Variants in CDH4 observed in about 807,000 individuals in gnomAD.
CDH4 encodes the protein cadherin-4.
CDH4 carries 33 observed loss-of-function variants against 86.0 expected under a neutral mutation model. The observed-to-expected ratio is 0.38, with a 90% CI of 0.29 to 0.51. The LOEUF is 0.51. Ranked by LOEUF, CDH4 falls within the 20% of genes least tolerant of loss-of-function variation. CDH4 has a pLI of 0.86. For synonymous variants in CDH4, 555 were observed against 549.4 expected (o/e 1.01, Z -0.14); for missense variants, 1,114 against 1,307.4 (o/e 0.85, Z 2.28).
intron 2 of CDH4, among the ~76,000 whole-genome samples, chr20:61,289,466 G>A (rs2084310500): frequency 6.6e-6 from 1 of 152,220 alleles, no homozygotes; most frequent in Non-Finnish European, 1.5e-5. Context: ...AACAGTAAGG[G>A]GTACGGGGTG....
intron 2 of CDH4, among the ~76,000 whole-genome samples, chr20:61,358,707 G>A (rs571363450): frequency 1.3e-5 from 2 of 152,316 alleles, no homozygotes; most frequent in South Asian, 2.1e-4. Flanking sequence ...ACATTTGCCT[G>A]TTTTTGAAGG....
intron 4 of CDH4, among the ~76,000 whole-genome samples, chr20:61,790,712 CCATT>C (rs564671050): frequency 9.5e-4 from 144 of 151,708 alleles, no homozygotes; most frequent in African/African-American, 3.1e-3. Flanking sequence ...GTCTCTCCAT[CCATT>C]CATCTCTCCA....
At chr20:61,900,117 G>A (rs1001436166) in intron 8 of CDH4, among the ~76,000 whole-genome samples, 2 of 152,200 alleles carry the variant, frequency 1.3e-5, no homozygotes, top group African/African-American at 2.4e-5. Flanking sequence ...CAGCGGGGGG[G>A]ACTGGCTGGG....
intron 2 of CDH4, among the ~76,000 whole-genome samples, chr20:61,337,700 T>TGGGAAGCTAGCA (rs1185384604): frequency 6.6e-6 from 1 of 152,086 alleles, no homozygotes; most frequent in African/African-American, 2.4e-5. Context: ...CATCCCTGCT[T>TGGGAAGCTAGCA]GGGAAGCTTG....
intron 2 of CDH4, among the ~76,000 whole-genome samples, chr20:61,573,540 A>G (rs1267128860): frequency 6.6e-6 from 1 of 152,174 alleles, no homozygotes; most frequent in East Asian, 1.9e-4. Flanking sequence ...CCCTGTTGGC[A>G]TGTTTGGTGG....
intron 2 of CDH4, among the ~76,000 whole-genome samples, chr20:61,685,345 C>T (rs2087562281): frequency 1.3e-5 from 2 of 152,222 alleles, no homozygotes; most frequent in Non-Finnish European, 2.9e-5. Context: ...GTCTCTCCAC[C>T]ACCCTTTGTG....
At chr20:61,447,570 T>A (rs1198848362) in intron 2 of CDH4, among the ~76,000 whole-genome samples, 1 of 151,152 alleles carries the variant, frequency 6.6e-6, no homozygotes, top group Non-Finnish European at 1.5e-5. Flanking sequence ...CGGGGTCTCC[T>A]ACTTTCCCCT....
chr20:61,579,112 G>T (rs2086406206), intron 2 of CDH4, among the ~76,000 whole-genome samples: 1 of 152,072 alleles, frequency 6.6e-6, no homozygotes, highest in South Asian at 2.1e-4. Flanking sequence ...GAGGGTGGAG[G>T]ATGGGGGCTT....
chr20:61,438,447 T>C (rs2085297177), intron 2 of CDH4, among the ~76,000 whole-genome samples: 1 of 152,202 alleles, frequency 6.6e-6, no homozygotes, highest in Non-Finnish European at 1.5e-5. Context: ...CGTAAATCAG[T>C]TGGACACGTT....
At chr20:61,316,104 G>A (rs921140208) in intron 2 of CDH4, among the ~76,000 whole-genome samples, 5 of 152,258 alleles carry the variant, frequency 3.3e-5, no homozygotes, top group African/African-American at 4.8e-5. Context: ...CCTAATTCAC[G>A]TCCTCCTCTT....
At chr20:61,920,053 T>C (rs1385002473) in intron 9 of CDH4, among the ~76,000 whole-genome samples, 1 of 107,312 alleles carries the variant, frequency 9.3e-6, no homozygotes, top group African/African-American at 3.7e-5. Flanking sequence ...AAGCATGGTA[T>C]CGTGATTGTG....
intron 2 of CDH4, among the ~76,000 whole-genome samples, chr20:61,415,068 C>T (rs1164462756): frequency 6.6e-6 from 1 of 152,244 alleles, no homozygotes; most frequent in Non-Finnish European, 1.5e-5. Context: ...GGCCCACATT[C>T]GTCAAACTGC....
At chr20:61,763,381 AC>A (rs769491821) in intron 3 of CDH4, among the ~76,000 whole-genome samples, 53 of 152,206 alleles carry the variant, frequency 3.5e-4, no homozygotes, top group Non-Finnish European at 6.8e-4. Flanking sequence ...GATCAGGTCC[AC>A]CCCATCTCAG....
chr20:61,852,567 C>T (rs980483147), intron 5 of CDH4, among the ~76,000 whole-genome samples, 187 bp from the exon 6 acceptor site: 2 of 152,174 alleles, frequency 1.3e-5, no homozygotes, highest in Non-Finnish European at 2.9e-5. Flanking sequence ...ACTCTCCTGA[C>T]CCCCGTTTCT....
chr20:61,399,676 C>T (rs1406474301), intron 2 of CDH4, among the ~76,000 whole-genome samples: 4 of 152,194 alleles, frequency 2.6e-5, no homozygotes, highest in Admixed American at 6.5e-5. Flanking sequence ...CCACTCACGT[C>T]CACCTGCCCA....
intron 3 of CDH4, among the ~76,000 whole-genome samples, chr20:61,753,741 C>T (rs1259715619): frequency 6.6e-6 from 1 of 152,230 alleles, no homozygotes; most frequent in African/African-American, 2.4e-5. Context: ...TTCTAGCACA[C>T]GTCAGCGTTT....
At chr20:61,283,561 T>G (rs2427025) in intron 2 of CDH4, among the ~76,000 whole-genome samples, 23,310 of 131,208 alleles carry the variant, frequency 0.18, 3,597 homozygotes, top group Middle Eastern at 0.32. Flanking sequence ...TGGTGTGTGA[T>G]GTAGGTGCAT....
At chr20:61,301,093 C>T (rs1478379485) in intron 2 of CDH4, among the ~76,000 whole-genome samples, 1 of 152,270 alleles carries the variant, frequency 6.6e-6, no homozygotes, top group Non-Finnish European at 1.5e-5. Flanking sequence ...TCCCCATTTG[C>T]AGTGTCTCTG....
chr20:61,776,544 G>C (rs371439537), intron 4 of CDH4, among the ~76,000 whole-genome samples: 1 of 152,152 alleles, frequency 6.6e-6, no homozygotes, highest in Admixed American at 6.6e-5. Flanking sequence ...CCCCTGACTC[G>C]TCCAGCAGCC....
Sources: allele counts gnomAD v4.1 joint callset (sites outside exome capture counted in the v4.1 genomes callset), GRCh38; gene constraint gnomAD v4.1.1; transcripts MANE v1.5; gene names NCBI Gene and HGNC (gene_info 2026-07-23, HGNC 2026-07-21).